Variants in STK33 observed in about 807,000 individuals in gnomAD.
STK33 encodes serine/threonine kinase 33.
STK33 carries 52 observed loss-of-function variants against 58.0 expected under a neutral mutation model. The ratio of observed to expected loss-of-function variants is 0.90; its 90% CI spans 0.72 to 1.13. The LOEUF is 1.13. Among genes scored for constraint, STK33 ranks in the 50% most tolerant of loss-of-function variants. The pLI, the probability that STK33 is intolerant of heterozygous loss-of-function variation, is 0.00. For missense variants in STK33, 630 were observed against 604.2 expected (o/e 1.04, Z -0.45); for synonymous variants, 215 against 200.1 (o/e 1.07, Z -0.63).
At chr11:8,523,963 C>T (rs1953798602) in intron 1 of STK33, among the ~76,000 whole-genome samples, 1 of 152,210 alleles carries the variant, frequency 6.6e-6, no homozygotes, top group African/African-American at 2.4e-5. Context: ...CCATCTTGTT[C>T]TGTACTAAGA....
intron 1 of STK33, among the ~76,000 whole-genome samples, chr11:8,588,746 A>T (rs889814031): frequency 1.1e-4 from 17 of 152,214 alleles, no homozygotes; most frequent in African/African-American, 3.4e-4. Context: ...AAATGGAAGA[A>T]AATATTTGCA....
Position 8,413,676 on chromosome 11 carries a change from GAAGA to G in STK33, c.1159_1162del (p.Ser387ArgfsTer2), listed in dbSNP as rs774474836. ...CTCTAATACATTGGTTGGTCTCACC[GAAGA>G]AAGTTTATTGCCCTAATATTAACAA... is the stretch of plus-strand genomic sequence containing the variant. On this transcript the variant is annotated frameshift_variant, in exon 15 of 16. Transcript: ENST00000687296. LOFTEE classifies it high-confidence loss of function. 1,168 of 1,613,500 alleles carry G rather than the reference GAAGA, an allele frequency of 7.2e-4. No individual in the cohort carries two copies. The highest frequency in any genetic ancestry group is 9.6e-4 in the Non-Finnish European group (1,130 of 1,179,818).
At chr11:8,439,869 T>TTTTATATATATATATATATATA (rs1554930118) in intron 12 of STK33, among the ~76,000 whole-genome samples, 2 of 107,274 alleles carry the variant, frequency 1.9e-5, no homozygotes, top group African/African-American at 6.9e-5. Context: ...TATATTATAA[T>TTTTATATATATATATATATATA]TATATATATA....
the STK33 span, among the ~76,000 whole-genome samples, chr11:8,377,545 C>G: frequency 1.3e-5 from 2 of 152,102 alleles, no homozygotes; most frequent in South Asian, 4.1e-4. Context: ...GAAACATTCC[C>G]CCTGAGAACT....
At chr11:8,529,062 C>T (rs553656111) in intron 1 of STK33, among the ~76,000 whole-genome samples, 1 of 152,146 alleles carries the variant, frequency 6.6e-6, no homozygotes, top group South Asian at 2.1e-4. Flanking sequence ...AGGTCACATA[C>T]GTAGTAAACA....
intron 1 of STK33, among the ~76,000 whole-genome samples, chr11:8,532,944 C>T (rs1019557314): frequency 6.6e-6 from 1 of 152,148 alleles, no homozygotes; most frequent in East Asian, 1.9e-4. Context: ...AAATGTTTCA[C>T]ACTCATAAAA....
the STK33 span, among the ~76,000 whole-genome samples, chr11:8,368,349 T>C: frequency 6.6e-6 from 1 of 152,196 alleles, no homozygotes; most frequent in Non-Finnish European, 1.5e-5. Flanking sequence ...GCCTGTCCCA[T>C]GCACGATGTT....
At position 8,392,277 on chromosome 11, in the gene STK33, A is replaced by G. The variant is rs1848678911; in HGVS notation, c.*233T>C. The G allele has an allele frequency of 1.8e-6, 1 of 547,384 alleles. No homozygotes were observed. Among genetic ancestry groups the G allele is most frequent in the South Asian group, 2.6e-5 (1 of 38,372 alleles). The allele number at this position is 547,384 out of a possible 1,614,324, so 33.9% of individuals were successfully genotyped here. On this transcript the variant is annotated 3_prime_UTR_variant, in exon 16 of 16. Transcript: ENST00000687296. ...TCGTGTACATCTTGAGTTGATTTCC[A>G]CTGCAGCCCACTGCCAAGCCTACTG...
chr11:8,493,432 C>T (rs754623462), intron 1 of STK33, among the ~76,000 whole-genome samples: 6 of 152,058 alleles, frequency 3.9e-5, no homozygotes, highest in African/African-American at 7.2e-5. Context: ...CAATAACAGG[C>T]TCTGAAATTG....
At chr11:8,394,483 A>G (rs772877472) in intron 15 of STK33, among the ~76,000 whole-genome samples, 34 of 152,182 alleles carry the variant, frequency 2.2e-4, no homozygotes, top group Non-Finnish European at 3.7e-4. Context: ...TATTCTATCG[A>G]GCAGGAATAA....
At chr11:8,472,752 A>G (rs1591343625) in intron 6 of STK33, among the ~76,000 whole-genome samples, 2 of 152,348 alleles carry the variant, frequency 1.3e-5, no homozygotes, top group Non-Finnish European at 2.9e-5. Flanking sequence ...TATTTATCCA[A>G]TCGCAGGATG....
chr11:8,462,155 ATC>A (rs1291270654), intron 7 of STK33, among the ~76,000 whole-genome samples: 1 of 152,004 alleles, frequency 6.6e-6, no homozygotes, highest in Non-Finnish European at 1.5e-5. Context: ...CTCAAGCCAC[ATC>A]TGTTTCTTGA....
intron 1 of STK33, among the ~76,000 whole-genome samples, chr11:8,552,153 A>T (rs1162222003): frequency 6.6e-6 from 1 of 152,182 alleles, no homozygotes; most frequent in African/African-American, 2.4e-5. Context: ...ATCACCCTAT[A>T]AGCCATAGGT....
intron 2 of STK33, among the ~76,000 whole-genome samples, chr11:8,479,350 T>C (rs1173692947): frequency 6.6e-6 from 1 of 151,646 alleles, no homozygotes; most frequent in Non-Finnish European, 1.5e-5. Flanking sequence ...GGAGAATCGC[T>C]TGAACCCAGA....
At chr11:8,442,062 C>T (rs1944824688) in intron 11 of STK33, among the ~76,000 whole-genome samples, 1 of 150,924 alleles carries the variant, frequency 6.6e-6, no homozygotes, top group Admixed American at 6.6e-5. Flanking sequence ...CACACACACA[C>T]ACACACTTTT....
intron 1 of STK33, among the ~76,000 whole-genome samples, chr11:8,561,876 T>A (rs1957136285): frequency 6.6e-6 from 1 of 152,180 alleles, no homozygotes; most frequent in African/African-American, 2.4e-5. Flanking sequence ...GGACTGCTTA[T>A]CTCAACTAGG....
intron 1 of STK33, among the ~76,000 whole-genome samples, chr11:8,501,634 G>A (rs1951522797): frequency 6.6e-6 from 1 of 152,032 alleles, no homozygotes; most frequent in East Asian, 1.9e-4. Flanking sequence ...ATCAGTTCGG[G>A]ATTTCCTCAA....
intron 4 of STK33, chr11:8,475,457 T>A (rs955513379): frequency 5.3e-5 from 8 of 152,202 alleles, no homozygotes; most frequent in African/African-American, 1.9e-4. Context: ...AGGCTTAAAA[T>A]ATTGGTGTTA....
intron 1 of STK33, among the ~76,000 whole-genome samples, chr11:8,535,729 C>T (rs762140256): frequency 2.0e-4 from 31 of 152,118 alleles, no homozygotes; most frequent in Non-Finnish European, 3.8e-4. Context: ...AGTAATCCCA[C>T]GACTCAGTAT....
Sources: allele counts gnomAD v4.1 joint callset (sites outside exome capture counted in the v4.1 genomes callset), GRCh38; gene constraint gnomAD v4.1.1; transcripts MANE v1.5; gene names NCBI Gene and HGNC (gene_info 2026-07-23, HGNC 2026-07-21).